MMP26: variants seen among roughly 807,000 people sequenced by gnomAD.
MMP26 encodes the protein matrix metallopeptidase 26.
Under a neutral mutation model 31.0 loss-of-function variants are expected in MMP26, and 33 were observed. The ratio of observed to expected loss-of-function variants is 1.06; its 90% CI spans 0.81 to 1.42. MMP26 has a LOEUF of 1.42. Ranked by LOEUF, MMP26 falls within the 40% of genes most tolerant of loss-of-function variation. MMP26 has a pLI of 0.00. For missense variants in MMP26, 347 were observed against 316.1 expected, an observed-to-expected ratio of 1.10 and a Z score of -0.74; for synonymous variants, 122 against 114.9, an observed-to-expected ratio of 1.06 and a Z score of -0.40.
chr11:4,712,644 G>A (rs776023152), intron 1 of MMP26, among the ~76,000 whole-genome samples: 6 of 152,040 alleles, frequency 3.9e-5, no homozygotes, highest in Non-Finnish European at 8.8e-5. Context: ...TATTGTGAAA[G>A]TAACAATTTT....
At chr11:4,979,115 A>T (rs745672855) in intron 2 of MMP26, among the ~76,000 whole-genome samples, 3 of 152,114 alleles carry the variant, frequency 2.0e-5, no homozygotes, top group Non-Finnish European at 4.4e-5. Context: ...TTGCTCCCAG[A>T]AGCATGTAGA....
intron 1 of MMP26, chr11:4,710,284 C>T (rs1297578725): frequency 8.8e-6 from 4 of 456,772 alleles, no homozygotes; most frequent in Admixed American, 2.3e-5. Context: ...CAGAAAAAGG[C>T]TTTTGGTACC....
chr11:4,709,614 C>T (rs904594443), intron 1 of MMP26: 28 of 456,646 alleles, frequency 6.1e-5, no homozygotes, highest in African/African-American at 5.4e-4. Flanking sequence ...AGTCTTCTTC[C>T]TTACTGGCAT....
Position 4,844,383 on chromosome 11 carries a change from G to A in MMP26, c.-145+77042G>A, listed in dbSNP as rs114088162. Among the ~76,000 whole-genome samples the A allele has an allele frequency of 4.1e-3, 630 of 152,122 alleles. 3 individuals carry two copies. Among genetic ancestry groups the A allele is most frequent in the African/African-American group, 0.013 (552 of 41,504 alleles). On this transcript the variant is annotated intron_variant, in intron 2 of 7. Transcript: ENST00000380390. ...TCCTACTCAAACTATTCCAAAATATGGAAGAGGAAGGAATACTTCCACACT... is the reference window on the plus strand; with the variant it reads ...TCCTACTCAAACTATTCCAAAATATAGAAGAGGAAGGAATACTTCCACACT...
At chr11:4,715,871 C>T (rs1294012401) in intron 1 of MMP26, among the ~76,000 whole-genome samples, 4 of 152,118 alleles carry the variant, frequency 2.6e-5, no homozygotes, top group Non-Finnish European at 4.4e-5. Flanking sequence ...CATTATATGG[C>T]AAAAGGATTT....
intron 2 of MMP26, among the ~76,000 whole-genome samples, chr11:4,939,960 G>C (rs1373124762): frequency 6.6e-6 from 1 of 152,056 alleles, no homozygotes; most frequent in Non-Finnish European, 1.5e-5. Flanking sequence ...GTGGCCATTT[G>C]TGTTCTGGCA....
At chr11:4,907,940 GACA>G (rs768141268) in intron 2 of MMP26, 4 of 1,614,092 alleles carry the variant, frequency 2.5e-6, no homozygotes, top group South Asian at 2.2e-5. Flanking sequence ...GGCCTGCTCT[GACA>G]ACAAGACCAA....
At chr11:4,834,912 T>G (rs1444077975) in intron 2 of MMP26, among the ~76,000 whole-genome samples, 3 of 151,956 alleles carry the variant, frequency 2.0e-5, no homozygotes, top group Non-Finnish European at 4.4e-5. Context: ...ATATATAAAA[T>G]TATACACACA....
At chr11:4,852,560 A>G (rs1849989956) in intron 2 of MMP26, among the ~76,000 whole-genome samples, 1 of 152,190 alleles carries the variant, frequency 6.6e-6, no homozygotes, top group African/African-American at 2.4e-5. Context: ...ATCAATAGCC[A>G]AACTAAACAA....
At chr11:4,732,419 C>T (rs979367850) in intron 1 of MMP26, among the ~76,000 whole-genome samples, 1 of 151,404 alleles carries the variant, frequency 6.6e-6, no homozygotes, top group Non-Finnish European at 1.5e-5. Flanking sequence ...ATACAATTCA[C>T]ATACATACAA....
intron 2 of MMP26, among the ~76,000 whole-genome samples, chr11:4,839,089 A>G (rs1849760286): frequency 1.3e-5 from 2 of 151,968 alleles, no homozygotes. Flanking sequence ...AATAACAACA[A>G]CAACAAAACT....
At chr11:4,942,477 T>C (rs2133602019) in intron 2 of MMP26, among the ~76,000 whole-genome samples, 1 of 152,278 alleles carries the variant, frequency 6.6e-6, no homozygotes, top group South Asian at 2.1e-4. Context: ...ATTTTATCAT[T>C]GACCTTTAGG....
rs542995165 is a variant in MMP26 at position 4,915,246 on chromosome 11, T to G, written c.-144-72822T>G. On this transcript the variant is annotated intron_variant, in intron 2 of 7. Coordinates refer to ENST00000380390, the MANE Select transcript of MMP26 (RefSeq NM_021801.5). ...CTGCCAATGACTGTGTTGGTGAGAATGGAAACATAGTGCAAGGGGTGGCAG... is the reference window on the plus strand; with the variant it reads ...CTGCCAATGACTGTGTTGGTGAGAAGGGAAACATAGTGCAAGGGGTGGCAG... The G allele has an allele frequency of 9.9e-6, 16 of 1,613,518 alleles. No homozygotes were observed. The African/African-American group carries it at 1.5e-4, about 15-fold the overall frequency.
At chr11:4,804,800 A>AAAAAAAAC (rs1181631263) in intron 2 of MMP26, among the ~76,000 whole-genome samples, 2 of 140,150 alleles carry the variant, frequency 1.4e-5, no homozygotes, top group Non-Finnish European at 1.6e-5. Flanking sequence ...CAAAAACAAA[A>AAAAAAAAC]CAAAACAAAA....
At chr11:4,873,446 C>A (rs1272382456) in intron 2 of MMP26, among the ~76,000 whole-genome samples, 1 of 152,064 alleles carries the variant, frequency 6.6e-6, no homozygotes, top group Non-Finnish European at 1.5e-5. Flanking sequence ...ACAGATCCAC[C>A]AAATCCACTG....
chr11:4,769,741 T>C (rs961042392), intron 2 of MMP26: 1 of 1,613,732 alleles, frequency 6.2e-7, no homozygotes, highest in Non-Finnish European at 8.5e-7. Context: ...AATACATGGG[T>C]TCATGGAGAC....
chr11:4,960,913 G>A (rs946394819), intron 2 of MMP26, among the ~76,000 whole-genome samples: 1 of 152,080 alleles, frequency 6.6e-6, no homozygotes, highest in South Asian at 2.1e-4. Flanking sequence ...AATAGTTACT[G>A]AGCAAACAAA....
intron 1 of MMP26, among the ~76,000 whole-genome samples, chr11:4,725,025 G>T (rs535889888): frequency 5.9e-5 from 9 of 152,158 alleles, no homozygotes; most frequent in Admixed American, 1.3e-4. Context: ...CCCTCTTGGT[G>T]CTGTTTTTGC....
At chr11:4,971,372 G>A (rs1846663690) in intron 2 of MMP26, among the ~76,000 whole-genome samples, 1 of 152,186 alleles carries the variant, frequency 6.6e-6, no homozygotes, top group Non-Finnish European at 1.5e-5. Flanking sequence ...TAAGTGAAAA[G>A]TCTGGGGGTC....
Sources: gnomAD v4.1 joint callset for allele counts (sites outside exome capture counted in the v4.1 genomes callset) on GRCh38, gnomAD v4.1.1 for gene constraint, MANE v1.5 for transcripts, NCBI Gene and HGNC (gene_info 2026-07-23, HGNC 2026-07-21) for gene names.